NUP210: variants seen among roughly 807,000 people sequenced by gnomAD.
The protein encoded by NUP210 is nuclear pore membrane glycoprotein 210.
A neutral mutation model predicts 196.0 loss-of-function variants in NUP210; 151 were observed. That is an observed-to-expected ratio of 0.77 (90% confidence interval 0.67 to 0.88). The LOEUF (loss-of-function observed/expected upper bound fraction) is 0.88, where lower values mean the gene tolerates loss of function less well. NUP210 is among the 40% of genes least tolerant of loss of function. The pLI is 0.00. For synonymous variants in NUP210, 1,070 were observed against 1,052.7 expected (o/e 1.02, Z -0.32); for missense variants, 2,314 against 2,493.7 (o/e 0.93, Z 1.53).
At chr3:13,387,828 C>T (rs971117480) in intron 5 of NUP210, among the ~76,000 whole-genome samples, 1 of 134,136 alleles carries the variant, frequency 7.5e-6, no homozygotes, top group Admixed American at 7.3e-5. Context: ...GACATGGGAT[C>T]GGCTGGGGCA....
chr3:13,367,243 C>T (rs1698571107), intron 13 of NUP210, among the ~76,000 whole-genome samples: 2 of 152,064 alleles, frequency 1.3e-5, no homozygotes, highest in South Asian at 4.2e-4. Context: ...TTGAGACTAG[C>T]CTGACCAACA....
At chr3:13,367,609 C>T (rs550640313) in intron 13 of NUP210, among the ~76,000 whole-genome samples, 2 of 152,240 alleles carry the variant, frequency 1.3e-5, no homozygotes, top group South Asian at 4.1e-4. Context: ...GGAAAACCGC[C>T]CCCCTGGCGC....
At chr3:13,387,044 A>G (rs542218049) in intron 5 of NUP210, among the ~76,000 whole-genome samples, 1 of 152,342 alleles carries the variant, frequency 6.6e-6, no homozygotes, top group African/African-American at 2.4e-5. Flanking sequence ...ATTGTAGAAA[A>G]GCGACAACAC....
chr3:13,365,977 T>C lies in NUP210; in HGVS notation c.1901A>G (p.Lys634Arg), dbSNP rs750942993. 2.5e-6 allele frequency: 4 copies of C among 1,614,056 alleles called. No homozygotes were observed. In the African/African-American group the frequency reaches 4.0e-5, roughly 16 times the overall value. Residue 634 changes from lysine (K) to arginine (R), a missense_variant, in exon 14 of 40, where the codon AAG (lysine) becomes AGG (arginine). Lys to Arg is a conservative substitution (Grantham distance 26). Coordinates refer to ENST00000254508, the MANE Select transcript of NUP210 (RefSeq NM_024923.4). ...GGGCAGGTAGGCAGCAATGGTGATC[T>C]TGGCACTCAGGTGGACGTGGCCGTG... The part of the protein sequence containing the change: ...YRHGHVHLSA[K>R]ITIAAYLPLK...
rs776353387 is a variant in NUP210 at position 13,358,382 on chromosome 3, G to A, written c.2168C>T (p.Ser723Leu). Reference protein sequence around the residue: ...QALGEQVIALSVGNKPSLTNP... With the variant: ...QALGEQVIALLVGNKPSLTNP... The stretch of plus-strand genomic sequence containing the variant: ...GGTGAGGCTGGGCTTGTTCCCCACC[G>A]ACAGGGCGATGACCTGGTAGGGCAC... Residue 723 changes from serine (S) to leucine (L), a missense_variant, in exon 16 of 40, where the codon TCG becomes TTG. Physicochemically the swap from Ser to Leu is moderately radical, Grantham distance 145 (BLOSUM62 -2). Transcript: ENST00000254508. 2.2e-5 allele frequency: 36 copies of A among 1,611,356 alleles called. No homozygotes were observed. Among genetic ancestry groups the A allele is most frequent in the East Asian group, 2.0e-4 (9 of 44,862 alleles).
intron 5 of NUP210, 66 bp from the exon 6 acceptor site, chr3:13,386,473 C>A: frequency 6.4e-7 from 1 of 1,573,324 alleles, no homozygotes; most frequent in South Asian, 1.1e-5. Flanking sequence ...GTGGTGTGAG[C>A]AAGAGAAAGA....
chr3:13,411,092 C>T lies in NUP210; in HGVS notation c.167+8968G>A, dbSNP rs1007594257. On this transcript the variant is annotated intron_variant, in intron 1 of 39. Coordinates refer to ENST00000254508, the MANE Select transcript of NUP210 (RefSeq NM_024923.4). Reference sequence around the variant, plus strand: ...ATAAAAATTTTAAAAATTAGCTGGGCGTGGTGGCTCACATCTATAGTCCCA... The same window carrying T: ...ATAAAAATTTTAAAAATTAGCTGGGTGTGGTGGCTCACATCTATAGTCCCA... 5.3e-5 allele frequency among the ~76,000 whole-genome samples: 8 copies of T among 151,830 alleles called. No individual in the cohort carries two copies. The East Asian group carries it at 7.7e-4, about 15-fold the overall frequency.
intron 16 of NUP210, 163 bp from the exon 17 acceptor site, chr3:13,354,270 A>G: frequency 1.6e-6 from 1 of 638,370 alleles, no homozygotes; most frequent in Non-Finnish European, 2.7e-6. Flanking sequence ...GCCACCCACC[A>G]GGTCCCCCCA....
At position 13,388,335 on chromosome 3, in the gene NUP210, GC is replaced by G; in HGVS notation, c.651del (p.Lys217AsnfsTer22). 3 of 1,612,312 alleles carry G rather than the reference GC, an allele frequency of 1.9e-6. No individual in the cohort carries two copies. The highest frequency in any genetic ancestry group is 4.5e-5 in the East Asian group (2 of 44,756). On this transcript the variant is annotated frameshift_variant, in exon 5 of 40. Coordinates refer to ENST00000254508, the MANE Select transcript of NUP210 (RefSeq NM_024923.4). LOFTEE classifies it high-confidence loss of function. Reference protein sequence around the residue: ...LVSGMKTGSSKLKARIQEAVY... With the variant: ...LVSGMKTGSSXLKARIQEAVY... ...ACAGCCTCCTGGATGCGAGCCTTGA[GC>G]TTGGAGCTCCCGGTCTTCATCCCAG...
At chr3:13,387,667 G>T (rs1317060654) in intron 5 of NUP210, among the ~76,000 whole-genome samples, 1 of 152,204 alleles carries the variant, frequency 6.6e-6, no homozygotes, top group Non-Finnish European at 1.5e-5. Context: ...AATATCTCAG[G>T]GTTGCAGCTC....
chr3:13,343,393 C>A, intron 20 of NUP210, 90 bp from the exon 21 acceptor site: 2 of 1,472,948 alleles, frequency 1.4e-6, no homozygotes, highest in South Asian at 1.3e-5. Context: ...CAGTGCCTCG[C>A]CCTCAGCACC....
Position 13,397,766 on chromosome 3 carries a change from T to C in NUP210, c.305-278A>G, listed in dbSNP as rs1699713119. ...AAAAAAACTCCAGGAAAACTTAGTT[T>C]CGTTCAGGGTGTAAGCATTCCGTGA... On this transcript the variant is annotated intron_variant, in intron 2 of 39. Coordinates refer to ENST00000254508, the MANE Select transcript of NUP210 (RefSeq NM_024923.4). 2.0e-5 allele frequency among the ~76,000 whole-genome samples: 3 copies of C among 152,202 alleles called. No homozygotes were observed. The South Asian group carries it at 6.2e-4, about 31-fold the overall frequency.
At chr3:13,372,543 A>C (rs966449550) in intron 12 of NUP210, among the ~76,000 whole-genome samples, 1 of 152,212 alleles carries the variant, frequency 6.6e-6, no homozygotes, top group African/African-American at 2.4e-5. Context: ...GAGATGCGAC[A>C]GCTTGAGCCA....
intron 1 of NUP210, among the ~76,000 whole-genome samples, chr3:13,419,675 G>A (rs1388547169): frequency 6.6e-6 from 1 of 152,188 alleles, no homozygotes; most frequent in Non-Finnish European, 1.5e-5. Context: ...TGGGGTCCCA[G>A]ACTCAAGGGA....
At chr3:13,349,088 A>G (rs1697872233) in intron 20 of NUP210, among the ~76,000 whole-genome samples, 2 of 152,228 alleles carry the variant, frequency 1.3e-5, no homozygotes, top group Non-Finnish European at 2.9e-5. Flanking sequence ...GCCGTTTAAA[A>G]TCTCTGGGAT....
rs760349631 is a variant in NUP210, at chr3:13,339,984, AT to A, written c.3340del (p.Ile1114SerfsTer9). Reference protein sequence around the residue: ...PQPQSNILFSISNESVALVSA... With the variant: ...PQPQSNILFSXSNESVALVSA... ...CACCAGCGCAACGCTCTCATTGCTG[AT>A]GGAGAAAAGGATGTTGGACTGAGGC... is the stretch of plus-strand genomic sequence containing the variant. On this transcript the variant is annotated frameshift_variant, in exon 25 of 40. Transcript: ENST00000254508. LOFTEE classifies it high-confidence loss of function. The A allele has an allele frequency of 6.2e-7, 1 of 1,614,032 alleles. No individual in the cohort carries two copies. Among genetic ancestry groups the A allele is most frequent in the Non-Finnish European group, 8.5e-7 (1 of 1,180,024 alleles).
At chr3:13,395,493 T>C (rs1403685452) in intron 3 of NUP210, among the ~76,000 whole-genome samples, 1 of 152,176 alleles carries the variant, frequency 6.6e-6, no homozygotes, top group Non-Finnish European at 1.5e-5. Flanking sequence ...TATTTTTATA[T>C]TTTTAGTAGA....
chr3:13,326,209 C>T (rs531631500), intron 32 of NUP210, among the ~76,000 whole-genome samples: 1 of 152,364 alleles, frequency 6.6e-6, no homozygotes, highest in South Asian at 2.1e-4. Context: ...CAACTCCCTG[C>T]CTGGAATCTC....
At chr3:13,382,133 G>A (rs572574088) in intron 6 of NUP210, among the ~76,000 whole-genome samples, 31 of 152,302 alleles carry the variant, frequency 2.0e-4, no homozygotes, top group African/African-American at 7.2e-4. Context: ...AGTAATTCCA[G>A]CATTCTATCC....
Sources: gnomAD v4.1 joint callset for allele counts (sites outside exome capture counted in the v4.1 genomes callset) on GRCh38, gnomAD v4.1.1 for gene constraint, MANE v1.5 for transcripts, NCBI Gene and HGNC (gene_info 2026-07-23, HGNC 2026-07-21) for gene names.